The following MORN5 variants were observed in gnomAD, a reference collection of about 807,000 sequenced individuals.
MORN5 encodes the protein MORN repeat-containing protein 5.
MORN5 carries 21 observed loss-of-function variants against 22.1 expected under a neutral mutation model. The observed-to-expected ratio is 0.95, with a 90% CI of 0.67 to 1.37. The LOEUF is 1.37. MORN5 is among the 40% of genes most tolerant of loss of function. MORN5 has a pLI of 0.00. For synonymous variants in MORN5, 73 were observed against 74.0 expected (o/e 0.99, Z 0.07); for missense variants, 211 against 215.1 (o/e 0.98, Z 0.12).
intron 4 of MORN5, chr9:122,175,824 G>T: frequency 1.8e-6 from 1 of 559,556 alleles, no homozygotes; most frequent in Non-Finnish European, 2.3e-6. Context: ...TAGAATAAGA[G>T]CAAGGAGAGG....
intron 1 of MORN5, among the ~76,000 whole-genome samples, chr9:122,162,452 A>G (rs1404571864): frequency 6.6e-6 from 1 of 152,242 alleles, no homozygotes; most frequent in Non-Finnish European, 1.5e-5. Flanking sequence ...TGAAAAGTTA[A>G]ACAGCCATTC....
intron 3 of MORN5, 91 bp downstream of exon 3, chr9:122,169,847 CTT>C: frequency 1.1e-6 from 1 of 918,550 alleles, no homozygotes; most frequent in Middle Eastern, 2.2e-4. Context: ...ACTAAAGTAA[CTT>C]AAAGGGGAAG....
In MORN5 at chr9:122,196,674, A is replaced by G. The variant is rs560456735; in HGVS notation, c.440-3211A>G. On this transcript the variant is annotated intron_variant, in intron 4 of 4. Coordinates refer to ENST00000373764, the MANE Select transcript of MORN5 (RefSeq NM_198469.4). ...AATTATTTTTCTATTGTCAATACCCATTAGTGAAAGAAGATTTGGGAAATA... is the reference window on the plus strand; with the variant it reads ...AATTATTTTTCTATTGTCAATACCCGTTAGTGAAAGAAGATTTGGGAAATA... Among the ~76,000 whole-genome samples the G allele has an allele frequency of 5.9e-5, 9 of 152,348 alleles. No individual in the cohort carries two copies. In the South Asian group the frequency reaches 1.2e-3, roughly 21 times the overall value.
intron 2 of MORN5, among the ~76,000 whole-genome samples, chr9:122,167,478 G>A (rs995955465): frequency 6.7e-6 from 1 of 148,848 alleles, no homozygotes. Flanking sequence ...TAGGCCTCCT[G>A]AGTAGCTGGG....
chr9:122,169,578 C>T (rs1036788416), intron 2 of MORN5, 67 bp from the exon 3 acceptor site: 18 of 1,036,564 alleles, frequency 1.7e-5, no homozygotes, highest in Non-Finnish European at 2.6e-5. Flanking sequence ...CTTCCCTTGA[C>T]ATCTGAACCT....
At chr9:122,178,725 G>A (rs1218481523) in intron 4 of MORN5, among the ~76,000 whole-genome samples, 1 of 152,152 alleles carries the variant, frequency 6.6e-6, no homozygotes, top group Non-Finnish European at 1.5e-5. Context: ...TTACCAGTAG[G>A]GTGATCAAAA....
At chr9:122,198,029 G>A (rs561186966) in intron 4 of MORN5, among the ~76,000 whole-genome samples, 186 of 152,332 alleles carry the variant, frequency 1.2e-3, no homozygotes, top group Middle Eastern at 3.4e-3. Flanking sequence ...TGTGGAGGCA[G>A]CCTCAGCTCC....
chr9:122,185,177 TCCCAAGTAGC>T (rs758750134), intron 4 of MORN5, among the ~76,000 whole-genome samples: 3 of 152,012 alleles, frequency 2.0e-5, no homozygotes, highest in Non-Finnish European at 2.9e-5. Flanking sequence ...TGCCTCAGCC[TCCCAAGTAGC>T]TGGGACTACA....
intron 4 of MORN5, among the ~76,000 whole-genome samples, chr9:122,176,835 G>A (rs542957436): frequency 4.6e-5 from 7 of 152,168 alleles, no homozygotes; most frequent in Admixed American, 2.6e-4. Flanking sequence ...CCAAGATAGC[G>A]CCACTCCACT....
intron 4 of MORN5, among the ~76,000 whole-genome samples, chr9:122,180,264 A>G (rs1829516599): frequency 1.3e-5 from 2 of 149,108 alleles, no homozygotes; most frequent in Non-Finnish European, 3.0e-5. Flanking sequence ...TACATGCAAC[A>G]ATCTATGACA....
At chr9:122,167,353 C>CTTTT (rs61672512) in intron 2 of MORN5, among the ~76,000 whole-genome samples, 1,792 of 104,462 alleles carry the variant, frequency 0.017, 50 homozygotes, top group Non-Finnish European at 0.026. Context: ...CGCACCTGAC[C>CTTTT]TTTTTTTTTT....
At chr9:122,194,224 G>C (rs1186418926) in intron 4 of MORN5, among the ~76,000 whole-genome samples, 1 of 152,166 alleles carries the variant, frequency 6.6e-6, no homozygotes, top group African/African-American at 2.4e-5. Context: ...CTGGCCACAT[G>C]GCTGGCCACA....
At chr9:122,198,757 G>A (rs376108455) in intron 4 of MORN5, among the ~76,000 whole-genome samples, 12 of 152,280 alleles carry the variant, frequency 7.9e-5, no homozygotes, top group East Asian at 5.8e-4. Flanking sequence ...GTCCACCACC[G>A]GCATGGAGAG....
intron 4 of MORN5, among the ~76,000 whole-genome samples, chr9:122,183,790 G>C (rs1355976637): frequency 6.6e-6 from 1 of 152,192 alleles, no homozygotes; most frequent in Non-Finnish European, 1.5e-5. Flanking sequence ...TAATCGTGCT[G>C]CTCTTCAAAA....
chr9:122,187,811 G>C (rs763430183), intron 4 of MORN5, among the ~76,000 whole-genome samples: 3 of 152,226 alleles, frequency 2.0e-5, no homozygotes, highest in Non-Finnish European at 4.4e-5. Context: ...AGTGGTGCCA[G>C]GAGCTACATT....
In MORN5 at chr9:122,177,168, G is replaced by A. The variant is rs562319127; in HGVS notation, c.439+2541G>A. On this transcript the variant is annotated intron_variant, in intron 4 of 4. Coordinates refer to ENST00000373764, the MANE Select transcript of MORN5 (RefSeq NM_198469.4). ...AGAGCTGGGACCCAGACCTCTGGCG[G>A]GGGAGCACTGCCAGTGGAGCCTCTG... Among the ~76,000 whole-genome samples, 8 of 152,356 alleles carry A rather than the reference G, an allele frequency of 5.3e-5. No individual in the cohort carries two copies. In the South Asian group the frequency reaches 1.7e-3, roughly 32 times the overall value.
chr9:122,177,013 G>A (rs982616498), intron 4 of MORN5, among the ~76,000 whole-genome samples: 4 of 152,372 alleles, frequency 2.6e-5, no homozygotes, highest in East Asian at 1.9e-4. Context: ...AAGGACTGGG[G>A]ACAATAGTAA....
At chr9:122,161,983 T>C (rs1416879705) in intron 1 of MORN5, among the ~76,000 whole-genome samples, 2 of 152,348 alleles carry the variant, frequency 1.3e-5, no homozygotes, top group East Asian at 3.9e-4. Context: ...GTTATACTTC[T>C]TTTCATAAGT....
intron 4 of MORN5, among the ~76,000 whole-genome samples, chr9:122,195,527 A>G (rs1829869489): frequency 6.6e-6 from 1 of 152,128 alleles, no homozygotes; most frequent in Non-Finnish European, 1.5e-5. Context: ...ATGCCCCTCA[A>G]CTGGAATCTG....
Sources: gnomAD v4.1 joint callset for allele counts (sites outside exome capture counted in the v4.1 genomes callset) on GRCh38, gnomAD v4.1.1 for gene constraint, MANE v1.5 for transcripts, NCBI Gene and HGNC (gene_info 2026-07-23, HGNC 2026-07-21) for gene names.